Variants in WNK3 observed in about 807,000 individuals in gnomAD.
WNK3 encodes the protein serine/threonine-protein kinase WNK3.
In WNK3, 18 loss-of-function variants were observed where a neutral mutation model predicts 116.7. The observed-to-expected ratio is 0.15, with a 90% CI of 0.11 to 0.23. The LOEUF (loss-of-function observed/expected upper bound fraction) is 0.23, where lower values mean the gene tolerates loss of function less well. Among genes scored for constraint, WNK3 ranks in the 10% least tolerant of loss-of-function variants. WNK3 has a pLI of 1.00. For synonymous variants in WNK3, 404 were observed against 469.4 expected, an observed-to-expected ratio of 0.86 and a Z score of 1.80; for missense variants, 993 against 1,323.8, an observed-to-expected ratio of 0.75 and a Z score of 3.88.
intron 7 of WNK3, among the ~76,000 whole-genome samples, chrX:54,297,525 C>T (rs1557166573): frequency 9.4e-6 from 1 of 106,310 alleles, no homozygotes. Flanking sequence ...CGTGGTGAGC[C>T]GAGATTGTGC....
exon 24 of WNK3, chrX:54,197,528 AG>A (rs1370450049): frequency 2.7e-5 from 3 of 110,459 alleles, no homozygotes; most frequent in African/African-American, 9.9e-5. Context: ...GTTTGAGACC[AG>A]TCTGGCCAAC....
intron 2 of WNK3, among the ~76,000 whole-genome samples, chrX:54,321,240 T>A (rs1226785744): frequency 8.9e-6 from 1 of 111,946 alleles, no homozygotes; most frequent in Non-Finnish European, 1.9e-5. Flanking sequence ...ACAGTTTCCA[T>A]TATGTTACTC....
At chrX:54,231,656 G>T (rs1158218659) in intron 21 of WNK3, among the ~76,000 whole-genome samples, 18 of 111,792 alleles carry the variant, frequency 1.6e-4, no homozygotes, top group African/African-American at 5.8e-4. Context: ...GACCTACCTG[G>T]ATAATCCAGG....
intron 22 of WNK3, chrX:54,224,203 T>A (rs933689073): frequency 9.0e-6 from 1 of 110,833 alleles, no homozygotes; most frequent in African/African-American, 3.3e-5. Context: ...AAATACAAAA[T>A]TAGCTGGGTG....
At chrX:54,347,679 C>A (rs1050514877) in intron 1 of WNK3, among the ~76,000 whole-genome samples, 2 of 96,534 alleles carry the variant, frequency 2.1e-5, no homozygotes, top group Non-Finnish European at 3.9e-5. Flanking sequence ...TATATATATA[C>A]ACATATATAT....
chrX:54,215,869 T>C (rs1603373757), intron 22 of WNK3, among the ~76,000 whole-genome samples: 1 of 111,526 alleles, frequency 9.0e-6, no homozygotes, highest in African/African-American at 3.3e-5. Flanking sequence ...AAGAAAGAGA[T>C]CAGATTGTTA....
chrX:54,278,979 A>G (rs1429849178), intron 10 of WNK3, among the ~76,000 whole-genome samples: 10 of 110,907 alleles, frequency 9.0e-5, no homozygotes, highest in Admixed American at 7.7e-4. Context: ...GAGGCAGGAG[A>G]ATCACTTGAA....
rs554031644 is a variant in WNK3, at chrX:54,282,655, G to T, written c.2037+10233C>A. Reference sequence around the variant, plus strand: ...AATAATCCTGAGAAAGGAAAACTAAGTTGGAACACTCATACTTTTATGGTG... The same window carrying T: ...AATAATCCTGAGAAAGGAAAACTAATTTGGAACACTCATACTTTTATGGTG... On this transcript the variant is annotated intron_variant, in intron 10 of 23. Transcript: ENST00000354646. Among the ~76,000 whole-genome samples, 3 of 111,666 alleles carry T rather than the reference G, an allele frequency of 2.7e-5. No individual in the cohort carries two copies. The East Asian group carries it at 8.5e-4, about 32-fold the overall frequency.
chrX:54,305,786 T>C (rs1237988306), intron 5 of WNK3, among the ~76,000 whole-genome samples: 3 of 110,788 alleles, frequency 2.7e-5, no homozygotes, highest in Non-Finnish European at 5.7e-5. Context: ...CCGGGCGCAG[T>C]GGCTCACGCT....
intron 10 of WNK3, among the ~76,000 whole-genome samples, chrX:54,261,240 T>C (rs369527880): frequency 9.2e-6 from 1 of 109,065 alleles, no homozygotes; most frequent in African/African-American, 3.3e-5. Flanking sequence ...ACCACTGCAG[T>C]CCAACCTGGG....
chrX:54,331,994 C>CTTTATTCCATCCTAAT (rs1437142333), intron 2 of WNK3, among the ~76,000 whole-genome samples: 1 of 111,676 alleles, frequency 9.0e-6, no homozygotes, highest in African/African-American at 3.3e-5. Context: ...TAGCAACTGG[C>CTTTATTCCATCCTAAT]TTTATTCCAT....
chrX:54,220,576 T>C (rs1196251424), intron 22 of WNK3, among the ~76,000 whole-genome samples: 1 of 110,911 alleles, frequency 9.0e-6, no homozygotes, highest in Non-Finnish European at 1.9e-5. Flanking sequence ...GGAATCTTTA[T>C]TTTTTTACAT....
exon 20 of WNK3, chrX:54,237,289 C>A: frequency 1.6e-6 from 2 of 1,212,225 alleles, no homozygotes; most frequent in South Asian, 3.5e-5. Context: ...ATCAGTCTCA[C>A]AAGCTGCGCT....
At chrX:54,213,491 T>C (rs1368263488) in intron 22 of WNK3, among the ~76,000 whole-genome samples, 1 of 95,765 alleles carries the variant, frequency 1.0e-5, no homozygotes, top group African/African-American at 4.3e-5. Flanking sequence ...GAAGTGGAGG[T>C]TGCAGTGAGC....
intron 22 of WNK3, among the ~76,000 whole-genome samples, chrX:54,212,212 C>G (rs781822528): frequency 8.9e-5 from 10 of 111,905 alleles, no homozygotes; most frequent in Non-Finnish European, 1.7e-4. Context: ...TGGGACAGAG[C>G]GAGACTCCGT....
At chrX:54,207,095 A>G (rs1001267827) in intron 22 of WNK3, among the ~76,000 whole-genome samples, 1 of 111,177 alleles carries the variant, frequency 9.0e-6, no homozygotes, top group Non-Finnish European at 1.9e-5. Context: ...GCTGCTTAAA[A>G]AAAAAAAAAG....
chrX:54,247,451 A>G (rs1342712383), intron 17 of WNK3, among the ~76,000 whole-genome samples: 2 of 110,818 alleles, frequency 1.8e-5, no homozygotes, highest in Non-Finnish European at 3.8e-5. Flanking sequence ...AAATGAAAAA[A>G]ATGCAGAATA....
At chrX:54,272,239 T>C (rs1420316574) in intron 10 of WNK3, among the ~76,000 whole-genome samples, 1 of 111,657 alleles carries the variant, frequency 9.0e-6, no homozygotes, top group Non-Finnish European at 1.9e-5. Flanking sequence ...ACAGTGAAGA[T>C]TAAACGAAAT....
intron 1 of WNK3, among the ~76,000 whole-genome samples, chrX:54,341,541 T>A (rs1557176383): frequency 9.0e-6 from 1 of 110,842 alleles, no homozygotes; most frequent in Non-Finnish European, 1.9e-5. Context: ...GCTATGATCA[T>A]GCCCATGAAT....
Sources: gnomAD v4.1 joint callset for allele counts (sites outside exome capture counted in the v4.1 genomes callset) on GRCh38, gnomAD v4.1.1 for gene constraint, MANE v1.5 for transcripts, NCBI Gene and HGNC (gene_info 2026-07-23, HGNC 2026-07-21) for gene names.